The following SLC39A10 variants were observed in gnomAD, a reference collection of about 807,000 sequenced individuals.
SLC39A10 encodes the protein solute carrier family 39 member 10.
Under a neutral mutation model 65.1 loss-of-function variants are expected in SLC39A10, and 13 were observed. The observed-to-expected ratio is 0.20, with a 90% CI of 0.13 to 0.32. The LOEUF (loss-of-function observed/expected upper bound fraction) is 0.32. Ranked by LOEUF, SLC39A10 falls within the 10% of genes least tolerant of loss-of-function variation. The pLI is 1.00. For synonymous variants in SLC39A10, 321 were observed against 342.2 expected (o/e 0.94, Z 0.68); for missense variants, 831 against 1,018.4 (o/e 0.82, Z 2.50).
intron 2 of SLC39A10, among the ~76,000 whole-genome samples, chr2:195,618,782 A>G (rs555618302): frequency 3.3e-5 from 5 of 152,134 alleles, no homozygotes; most frequent in Non-Finnish European, 7.4e-5. Context: ...AAATGGCATG[A>G]TAATACATGT....
At chr2:195,714,166 C>G (rs764006000) in intron 6 of SLC39A10, among the ~76,000 whole-genome samples, 2 of 152,046 alleles carry the variant, frequency 1.3e-5, no homozygotes, top group African/African-American at 2.4e-5. Context: ...CTCCTGACCT[C>G]GTGATCTGCC....
At chr2:195,637,221 G>A (rs138850904) in intron 2 of SLC39A10, among the ~76,000 whole-genome samples, 26 of 152,304 alleles carry the variant, frequency 1.7e-4, no homozygotes, top group African/African-American at 4.8e-4. Flanking sequence ...ATGCTCCTGG[G>A]CTGCCAAATT....
intron 2 of SLC39A10, among the ~76,000 whole-genome samples, chr2:195,618,113 G>C (rs1688265852): frequency 6.6e-6 from 1 of 151,958 alleles, no homozygotes; most frequent in Non-Finnish European, 1.5e-5. Flanking sequence ...ACTTTGGGAG[G>C]CTGAGGTGGG....
chr2:195,696,600 TG>T (rs564840293), intron 3 of SLC39A10, among the ~76,000 whole-genome samples: 96 of 152,198 alleles, frequency 6.3e-4, no homozygotes, highest in Non-Finnish European at 9.7e-4. Flanking sequence ...TTGAACAACG[TG>T]GGGGGATTAG....
At chr2:195,694,127 T>C (rs912807549) in intron 3 of SLC39A10, among the ~76,000 whole-genome samples, 2 of 152,208 alleles carry the variant, frequency 1.3e-5, no homozygotes, top group African/African-American at 4.8e-5. Context: ...CCTTTTGCAG[T>C]TGATTTCCAG....
At chr2:195,649,183 T>C (rs1412674631) in intron 2 of SLC39A10, among the ~76,000 whole-genome samples, 1 of 152,016 alleles carries the variant, frequency 6.6e-6, no homozygotes, top group Non-Finnish European at 1.5e-5. Context: ...CAAAAAGATA[T>C]GTGCTGGAAA....
intron 8 of SLC39A10, among the ~76,000 whole-genome samples, chr2:195,722,118 G>T (rs940939758): frequency 6.6e-6 from 1 of 152,142 alleles, no homozygotes; most frequent in African/African-American, 2.4e-5. Flanking sequence ...CTTGGACCAG[G>T]AACCCCTAGT....
chr2:195,624,477 A>G (rs1688421278), intron 2 of SLC39A10, among the ~76,000 whole-genome samples: 1 of 151,918 alleles, frequency 6.6e-6, no homozygotes, highest in South Asian at 2.1e-4. Context: ...AAAAAAGAAG[A>G]AAAAAAGTAA....
Position 195,680,326 on chromosome 2 carries a change from AAGT to A in SLC39A10, c.288_290del (p.Val97del). 1 of 1,614,170 alleles carries A rather than the reference AAGT, an allele frequency of 6.2e-7. No homozygotes were observed. The highest frequency in any genetic ancestry group is 8.5e-7 in the Non-Finnish European group (1 of 1,180,034). On this transcript the variant is annotated inframe_deletion, in exon 2 of 10. Transcript: ENST00000359634. The stretch of plus-strand genomic sequence containing the variant: ...ACAAACTTGGGCCTTGGAGAGAGAA[AAGT>A]AGTTGAGATTAATCATGAGGATCTT...
chr2:195,723,345 A>G (rs6728243), intron 8 of SLC39A10, among the ~76,000 whole-genome samples: 78,540 of 152,064 alleles, frequency 0.52, 21,006 homozygotes, highest in Non-Finnish European at 0.6. Context: ...CCTTCCTTCA[A>G]TAAGGAACTG....
chr2:195,726,220 A>T (rs1692234669), intron 8 of SLC39A10, among the ~76,000 whole-genome samples: 1 of 152,198 alleles, frequency 6.6e-6, no homozygotes, highest in African/African-American at 2.4e-5. Flanking sequence ...TGTACCCATG[A>T]CACCGTTGTT....
intron 8 of SLC39A10, among the ~76,000 whole-genome samples, chr2:195,725,532 A>T (rs747802024): frequency 3.3e-5 from 5 of 152,158 alleles, no homozygotes; most frequent in African/African-American, 1.2e-4. Flanking sequence ...GCTCCTATAC[A>T]TTGCTGGTGG....
At chr2:195,668,563 A>G (rs1415223402) in intron 1 of SLC39A10, among the ~76,000 whole-genome samples, 1 of 152,236 alleles carries the variant, frequency 6.6e-6, no homozygotes, top group African/African-American at 2.4e-5. Context: ...GTTTGTGTGC[A>G]TGTGCACATG....
chr2:195,687,600 C>T (rs1031310855), intron 3 of SLC39A10, among the ~76,000 whole-genome samples: 1 of 152,122 alleles, frequency 6.6e-6, no homozygotes, highest in African/African-American at 2.4e-5. Context: ...GTCAGAAATG[C>T]AGCTTGAATT....
intron 3 of SLC39A10, among the ~76,000 whole-genome samples, chr2:195,689,648 C>A (rs568300816): frequency 1.1e-4 from 17 of 152,238 alleles, no homozygotes; most frequent in African/African-American, 3.9e-4. Context: ...ACGATCCATA[C>A]TATCTGCCTC....
intron 1 of SLC39A10, among the ~76,000 whole-genome samples, chr2:195,663,422 A>G (rs377762557): frequency 1.3e-5 from 2 of 152,336 alleles, no homozygotes; most frequent in African/African-American, 4.8e-5. Flanking sequence ...GGAAAGATTT[A>G]TTTAAATACT....
chr2:195,642,838 G>C (rs541722979), intron 2 of SLC39A10, among the ~76,000 whole-genome samples: 6 of 152,226 alleles, frequency 3.9e-5, no homozygotes, highest in African/African-American at 9.6e-5. Flanking sequence ...GACCCAGAAG[G>C]AGATTGCCTG....
chr2:195,663,211 C>T (rs189047515), intron 1 of SLC39A10, among the ~76,000 whole-genome samples: 38 of 152,294 alleles, frequency 2.5e-4, no homozygotes, highest in African/African-American at 8.9e-4. Context: ...TCTTTCCCTT[C>T]CCCTTTCCCT....
rs1259366617 is a variant in SLC39A10 at position 195,695,850 on chromosome 2, TATTCTC to T, written c.1217-10764_1217-10759del. On this transcript the variant is annotated intron_variant, in intron 3 of 9. Coordinates refer to ENST00000359634, the MANE Select transcript of SLC39A10 (RefSeq NM_020342.3). Reference sequence around the variant, plus strand: ...GCCTTTGGTTTCATTTTTCAGAAATTATTCTCAAATCTAATGTTGTGAAGCTTTTGC... The same window carrying T: ...GCCTTTGGTTTCATTTTTCAGAAATTAAATCTAATGTTGTGAAGCTTTTGC... Among the ~76,000 whole-genome samples, 7 of 152,374 alleles carry T rather than the reference TATTCTC, an allele frequency of 4.6e-5. No homozygotes were observed. In the East Asian group the frequency reaches 1.3e-3, roughly 29 times the overall value.
Sources: gnomAD v4.1 joint callset for allele counts (sites outside exome capture counted in the v4.1 genomes callset) on GRCh38, gnomAD v4.1.1 for gene constraint, MANE v1.5 for transcripts, NCBI Gene and HGNC (gene_info 2026-07-23, HGNC 2026-07-21) for gene names.